TCAF1: variants seen among roughly 807,000 people sequenced by gnomAD.
The protein encoded by TCAF1 is TRPM8 channel associated factor 1.
A neutral mutation model predicts 27.3 loss-of-function variants in TCAF1; 4 were observed. That is an observed-to-expected ratio of 0.15 (90% CI 0.07 to 0.34). The LOEUF (loss-of-function observed/expected upper bound fraction) is 0.34, where lower values mean the gene tolerates loss of function less well. Among genes scored for constraint, TCAF1 ranks in the 10% least tolerant of loss-of-function variants. The pLI is 1.00. For missense variants in TCAF1, 257 were observed against 425.8 expected (o/e 0.60, Z 3.49); for synonymous variants, 105 against 167.1 (o/e 0.63, Z 2.87).
chr7:143,892,861 C>A (rs1274244890), intron 1 of TCAF1, among the ~76,000 whole-genome samples: 3 of 152,102 alleles, frequency 2.0e-5, no homozygotes, highest in Non-Finnish European at 4.4e-5. Context: ...AGGTAGCTGT[C>A]TATAAGCTAG....
intron 1 of TCAF1, among the ~76,000 whole-genome samples, chr7:143,890,379 C>T (rs1248558047): frequency 1.3e-5 from 2 of 152,154 alleles, no homozygotes; most frequent in African/African-American, 4.8e-5. Context: ...TTGCTGTTAT[C>T]ACTGCTTACA....
intron 1 of TCAF1, chr7:143,885,351 G>T (rs1047724538): frequency 1.7e-5 from 17 of 985,248 alleles, no homozygotes; most frequent in Middle Eastern, 5.2e-4. Flanking sequence ...GGGGGGAGGT[G>T]GGCTGCAGTG....
At chr7:143,878,177 G>A (rs1397386789) in intron 1 of TCAF1, among the ~76,000 whole-genome samples, 1 of 152,144 alleles carries the variant, frequency 6.6e-6, no homozygotes, top group African/African-American at 2.4e-5. Flanking sequence ...TTATTTATAT[G>A]CATAAACGTA....
intron 1 of TCAF1, among the ~76,000 whole-genome samples, chr7:143,887,461 AT>A (rs1254559550): frequency 6.6e-6 from 1 of 152,164 alleles, no homozygotes; most frequent in Non-Finnish European, 1.5e-5. Flanking sequence ...TTGAGCAGTA[AT>A]TTTTTTCTTT....
intron 1 of TCAF1, among the ~76,000 whole-genome samples, chr7:143,895,140 T>TA (rs1208773377): frequency 6.6e-6 from 1 of 151,872 alleles, no homozygotes; most frequent in Non-Finnish European, 1.5e-5. Flanking sequence ...CATAAATCGA[T>TA]ACAGCTATGT....
intron 1 of TCAF1, among the ~76,000 whole-genome samples, chr7:143,897,078 A>G (rs1813898769): frequency 6.8e-6 from 1 of 147,024 alleles, no homozygotes; most frequent in African/African-American, 2.5e-5. Flanking sequence ...TAATGGAAAG[A>G]TTTATAAACA....
intron 1 of TCAF1, among the ~76,000 whole-genome samples, chr7:143,890,071 T>G (rs892364733): frequency 2.6e-5 from 4 of 151,648 alleles, no homozygotes; most frequent in African/African-American, 9.7e-5. Context: ...TCACTGCAAG[T>G]TCCGCCTCCC....
intron 1 of TCAF1, among the ~76,000 whole-genome samples, chr7:143,896,886 T>C (rs576623192): frequency 4.6e-5 from 7 of 150,606 alleles, no homozygotes; most frequent in Admixed American, 1.3e-4. Context: ...GCTTAGAAAA[T>C]AAATCACAGA....
At chr7:143,874,546 T>G (rs1173984467) in intron 2 of TCAF1, among the ~76,000 whole-genome samples, 1 of 137,334 alleles carries the variant, frequency 7.3e-6, no homozygotes, top group Non-Finnish European at 1.6e-5. Flanking sequence ...TATGACCATT[T>G]GTACGGCGTT....
intron 6 of TCAF1, among the ~76,000 whole-genome samples, chr7:143,859,791 T>C (rs1443082238): frequency 6.7e-6 from 1 of 149,730 alleles, no homozygotes; most frequent in Admixed American, 6.9e-5. Flanking sequence ...TTGAAGTCCC[T>C]GATGAATACC....
At chr7:143,859,709 A>C (rs1274848728) in intron 6 of TCAF1, among the ~76,000 whole-genome samples, 1 of 140,248 alleles carries the variant, frequency 7.1e-6, no homozygotes, top group African/African-American at 3.1e-5. Context: ...GTGTGTTCTT[A>C]AAGTTGTAAA....
chr7:143,869,430 AT>A (rs1348635951), intron 2 of TCAF1, among the ~76,000 whole-genome samples: 1 of 144,804 alleles, frequency 6.9e-6, no homozygotes, highest in African/African-American at 2.5e-5. Flanking sequence ...TTCTTTTTAT[AT>A]ATTTCCGTAT....
intron 6 of TCAF1, among the ~76,000 whole-genome samples, 193 bp downstream of exon 6, chr7:143,860,009 TATAATA>T (rs1563212068): frequency 3.4e-5 from 1 of 29,396 alleles, no homozygotes; most frequent in South Asian, 1.5e-3. Flanking sequence ...ATAATATATA[TATAATA>T]TATATTATAT....
In TCAF1 at chr7:143,900,983, A is replaced by T. The variant is rs796125196; in HGVS notation, c.-15+978T>A. ...GTAAAACTAAAAAGAAAAGCAAGGG[A>T]TTCATTAAATTAAGACAAAAATCAC... On this transcript the variant is annotated intron_variant, in intron 1 of 8. Transcript: ENST00000479870. Among the ~76,000 whole-genome samples the T allele has an allele frequency of 7.2e-5, 11 of 152,294 alleles. 1 individual carries two copies. Among genetic ancestry groups the T allele is most frequent in the African/African-American group, 2.6e-4 (11 of 41,568 alleles).
intron 1 of TCAF1, among the ~76,000 whole-genome samples, chr7:143,899,684 A>G (rs1277077995): frequency 1.3e-5 from 2 of 152,076 alleles, no homozygotes; most frequent in East Asian, 3.8e-4. Flanking sequence ...ATATAAAGAC[A>G]TAGAGAGAAA....
chr7:143,876,463 A>G lies in TCAF1; in HGVS notation c.146T>C (p.Ile49Thr), dbSNP rs1005809423. The change falls in exon 2 of 9, where the codon ATT becomes ACT. Residue 49 changes from isoleucine to threonine, a missense_variant. Transcript: ENST00000479870. ...VMVNDMGQVLIAASSYGRGRL... is the reference protein window; with the variant it reads ...VMVNDMGQVLTAASSYGRGRL... The stretch of plus-strand genomic sequence containing the variant: ...GCCACGGCCATAGGAGGAGGCAGCA[A>G]TGAGGACCTGGCCCATGTCATTCAC... 6.2e-7 allele frequency: 1 copy of G among 1,606,642 alleles called. No individual in the cohort carries two copies. Among genetic ancestry groups the G allele is most frequent in the Non-Finnish European group, 8.5e-7 (1 of 1,176,708 alleles).
Position 143,852,813 on chromosome 7 carries a change from T to C in TCAF1, c.*1320A>G, listed in dbSNP as rs1398242691. On this transcript the variant is annotated 3_prime_UTR_variant, in exon 9 of 9. Transcript: ENST00000479870. ...TCTAGATGTAGATTGTATTGGGCCC[T>C]CTCAATCTGGAGACTTAGCTTGCTC... 3 of 150,230 alleles carry C rather than the reference T, an allele frequency of 2.0e-5. No homozygotes were observed. The East Asian group carries it at 5.8e-4, about 29-fold the overall frequency. The allele number at this position is 150,230 out of a possible 1,614,324, so 9.3% of individuals were successfully genotyped here.
intron 1 of TCAF1, chr7:143,882,642 T>TACCCC: frequency 1.2e-6 from 1 of 802,126 alleles, no homozygotes; most frequent in Non-Finnish European, 1.5e-6. Context: ...CGCCCCGGCC[T>TACCCC]CCCGCCCTGC....
At chr7:143,880,913 T>C (rs1812979510) in intron 1 of TCAF1, among the ~76,000 whole-genome samples, 1 of 152,222 alleles carries the variant, frequency 6.6e-6, no homozygotes, top group Non-Finnish European at 1.5e-5. Flanking sequence ...GGAAATGTCC[T>C]TTCATTTCTC....
Sources: allele counts gnomAD v4.1 joint callset (sites outside exome capture counted in the v4.1 genomes callset), GRCh38; gene constraint gnomAD v4.1.1; transcripts MANE v1.5; gene names NCBI Gene and HGNC (gene_info 2026-07-23, HGNC 2026-07-21).